The following CREB3L1 variants were observed in gnomAD, a reference collection of about 807,000 sequenced individuals.
CREB3L1 encodes cyclic AMP-responsive element-binding protein 3-like protein 1.
A neutral mutation model predicts 54.5 loss-of-function variants in CREB3L1; 33 were observed. That is an observed-to-expected ratio of 0.61 (90% CI 0.46 to 0.81). CREB3L1 has a LOEUF of 0.81. Ranked by LOEUF, CREB3L1 falls within the 30% of genes least tolerant of loss-of-function variation. The pLI, the probability that CREB3L1 is intolerant of heterozygous loss-of-function variation, is 0.00. For synonymous variants in CREB3L1, 284 were observed against 286.4 expected, an observed-to-expected ratio of 0.99 and a Z score of 0.08; for missense variants, 656 against 673.3, an observed-to-expected ratio of 0.97 and a Z score of 0.29.
At chr11:46,297,365 C>A (rs1417276751) in intron 1 of CREB3L1, among the ~76,000 whole-genome samples, 1 of 152,214 alleles carries the variant, frequency 6.6e-6, no homozygotes, top group Non-Finnish European at 1.5e-5. Flanking sequence ...GATGGCATTG[C>A]CATCTGGGTT....
intron 1 of CREB3L1, among the ~76,000 whole-genome samples, chr11:46,285,925 G>A (rs985885642): frequency 1.3e-5 from 2 of 152,330 alleles, no homozygotes; most frequent in Non-Finnish European, 2.9e-5. Context: ...TGATTGACAG[G>A]GGCTCGCTTT....
At chr11:46,308,100 C>T (rs1566189368) in intron 3 of CREB3L1, 100 bp downstream of exon 3, 18 of 1,139,012 alleles carry the variant, frequency 1.6e-5, no homozygotes, top group Non-Finnish European at 2.2e-5. Context: ...GCTCTGTGAA[C>T]AGGAAGACAT....
rs975374127 is a variant in CREB3L1, at chr11:46,295,012, C to G, written c.103-4923C>G. On this transcript the variant is annotated intron_variant, in intron 1 of 11. Coordinates refer to ENST00000621158, the MANE Select transcript of CREB3L1 (RefSeq NM_052854.4). This position sits in a 1 kb window ranked among gnomAD's most constrained non-coding sequence, Gnocchi z 4.6. ...TCCCACAGCTCAGCCTGGACCCGCT[C>G]TGGTCTCCTCCCTCCTTTCCCCAAG... is the stretch of plus-strand genomic sequence containing the variant. 1 of 152,474 alleles carries G rather than the reference C, an allele frequency of 6.6e-6. No individual in the cohort carries two copies. Among genetic ancestry groups the G allele is most frequent in the African/African-American group, 2.4e-5 (1 of 41,420 alleles). 9.4% of individuals were successfully genotyped at this position (152,474 alleles called of 1,614,324 possible).
At position 46,300,744 on chromosome 11, in the gene CREB3L1, G is replaced by A. The variant is rs527601924; in HGVS notation, c.331+581G>A. 1.9e-4 allele frequency among the ~76,000 whole-genome samples: 29 copies of A among 151,942 alleles called. No individual in the cohort carries two copies. In the South Asian group the frequency reaches 5.2e-3, roughly 27 times the overall value. On this transcript the variant is annotated intron_variant, in intron 2 of 11. Transcript: ENST00000621158. ...TACAGGGCCGGGCGCGGTGGCTCAC[G>A]CCTGTAATCCCAGCACTCTGGGAGG... is the stretch of plus-strand genomic sequence containing the variant.
intron 1 of CREB3L1, among the ~76,000 whole-genome samples, chr11:46,291,269 C>T (rs1157496315): frequency 6.6e-6 from 1 of 152,198 alleles, no homozygotes; most frequent in Non-Finnish European, 1.5e-5. Flanking sequence ...CCCCAGCTCT[C>T]GGTTTTCTTC....
Position 46,280,770 on chromosome 11 carries a change from A to G in CREB3L1, c.102+2557A>G, listed in dbSNP as rs1291641046. Among the ~76,000 whole-genome samples, 7 of 152,244 alleles carry G rather than the reference A, an allele frequency of 4.6e-5. No homozygotes were observed. In the East Asian group the frequency reaches 1.4e-3, roughly 29 times the overall value. On this transcript the variant is annotated intron_variant, in intron 1 of 11. Coordinates refer to ENST00000621158, the MANE Select transcript of CREB3L1 (RefSeq NM_052854.4). ...CGAGGTTCTTTCCAGCTGAGATCCC[A>G]TTCCAACCCTTCCCCCAACTTCTTC...
At chr11:46,319,780 G>A (rs1235986166) in intron 10 of CREB3L1, among the ~76,000 whole-genome samples, 1 of 151,980 alleles carries the variant, frequency 6.6e-6, no homozygotes, top group African/African-American at 2.4e-5. Context: ...TCGGGAGGCT[G>A]AGGCAGGAGA....
At chr11:46,299,833 C>T (rs1939267566) in intron 1 of CREB3L1, 102 bp from the exon 2 acceptor site, 1 of 777,508 alleles carries the variant, frequency 1.3e-6, no homozygotes, top group Non-Finnish European at 2.3e-6. Context: ...GTTGCAGGGA[C>T]AGTGGTGGCC....
chr11:46,299,039 A>G (rs2136344697), intron 1 of CREB3L1, among the ~76,000 whole-genome samples: 1 of 152,326 alleles, frequency 6.6e-6, no homozygotes, highest in Non-Finnish European at 1.5e-5. Flanking sequence ...TATATTTTAC[A>G]TCATTACCAA....
intron 1 of CREB3L1, among the ~76,000 whole-genome samples, chr11:46,292,039 C>T (rs1489495273): frequency 1.3e-5 from 2 of 152,176 alleles, no homozygotes; most frequent in Non-Finnish European, 2.9e-5. Context: ...GCAGCCCTGG[C>T]GGGTTGGCCA....
At chr11:46,320,653 C>T in intron 11 of CREB3L1, 57 bp from the exon 12 acceptor site, 2 of 1,580,908 alleles carry the variant, frequency 1.3e-6, no homozygotes, top group East Asian at 2.3e-5. Flanking sequence ...ATCCAGCTTG[C>T]AGAGGGTAAG....
At chr11:46,281,994 A>T (rs1938982909) in intron 1 of CREB3L1, among the ~76,000 whole-genome samples, 1 of 152,144 alleles carries the variant, frequency 6.6e-6, no homozygotes, top group African/African-American at 2.4e-5. Context: ...CAAAACATTA[A>T]GTTCGTTTTG....
intron 8 of CREB3L1, chr11:46,315,903 A>G (rs977327940): frequency 5.7e-5 from 12 of 211,012 alleles, no homozygotes; most frequent in Non-Finnish European, 1.2e-4. Context: ...CACTGTGCCA[A>G]ACAGCTCCTT....
intron 2 of CREB3L1, among the ~76,000 whole-genome samples, chr11:46,306,978 A>C (rs1460872139): frequency 2.0e-5 from 3 of 151,256 alleles, no homozygotes; most frequent in Non-Finnish European, 4.4e-5. Flanking sequence ...GGTTCAAGTG[A>C]TTCTCCTGCC....
intron 2 of CREB3L1, among the ~76,000 whole-genome samples, chr11:46,304,211 G>C (rs547226036): frequency 1.3e-5 from 2 of 152,014 alleles, no homozygotes; most frequent in South Asian, 4.2e-4. Flanking sequence ...CGTGACTCAC[G>C]CCTGTAATCC....
intron 2 of CREB3L1, among the ~76,000 whole-genome samples, chr11:46,305,475 C>T (rs1210620611): frequency 6.6e-6 from 1 of 152,054 alleles, no homozygotes; most frequent in South Asian, 2.1e-4. Flanking sequence ...CTCCCCTTCT[C>T]TCTCTCCTGG....
At chr11:46,284,810 C>A (rs1427243598) in intron 1 of CREB3L1, among the ~76,000 whole-genome samples, 1 of 152,210 alleles carries the variant, frequency 6.6e-6, no homozygotes, top group Admixed American at 6.5e-5. Flanking sequence ...AGCAAGTTCT[C>A]TCATTGTTCT....
rs1939649693 is a variant in CREB3L1, at chr11:46,321,338, A to C, written c.*592A>C. The C allele has an allele frequency of 4.2e-6, 1 of 235,974 alleles. No individual in the cohort carries two copies. The highest frequency in any genetic ancestry group is 5.0e-5 in the Admixed American group (1 of 19,972). The allele number at this position is 235,974 out of a possible 1,614,324, so 14.6% of individuals were successfully genotyped here. A position where few individuals can be genotyped will look rare whatever the true frequency, so the allele number is the denominator to read the frequency against. ...GCTGCCCAAGCCGCTGGGCCTTTTT[A>C]ATTGCCAAACTGCTCTCTTCATCAG... On this transcript the variant is annotated 3_prime_UTR_variant, in exon 12 of 12. Coordinates refer to ENST00000621158, the MANE Select transcript of CREB3L1 (RefSeq NM_052854.4).
At chr11:46,296,558 T>C (rs975827912) in intron 1 of CREB3L1, among the ~76,000 whole-genome samples, 1 of 152,112 alleles carries the variant, frequency 6.6e-6, no homozygotes, top group African/African-American at 2.4e-5. Context: ...AACCCTACCT[T>C]AGCCGCCATG....
Sources: gnomAD v4.1 joint callset for allele counts (sites outside exome capture counted in the v4.1 genomes callset) on GRCh38, gnomAD v4.1.1 for gene constraint, Gnocchi (gnomAD v3.1) non-coding constraint, MANE v1.5 for transcripts, NCBI Gene and HGNC (gene_info 2026-07-23, HGNC 2026-07-21) for gene names.